The following CDH23 variants were observed in gnomAD, a reference collection of about 807,000 sequenced individuals.
CDH23 encodes cadherin related 23.
CDH23 carries 189 observed loss-of-function variants against 317.1 expected under a neutral mutation model. That is an observed-to-expected ratio of 0.60 (90% CI 0.53 to 0.67). The LOEUF is 0.67. Ranked by LOEUF, CDH23 falls within the 30% of genes least tolerant of loss-of-function variation. CDH23 has a pLI of 0.00. For synonymous variants in CDH23, 1,839 were observed against 1,876.8 expected (o/e 0.98, Z 0.52); for missense variants, 4,401 against 4,592.4 (o/e 0.96, Z 1.20).
chr10:71,439,434 G>A (rs1849767546), intron 1 of CDH23, among the ~76,000 whole-genome samples: 2 of 152,168 alleles, frequency 1.3e-5, no homozygotes, highest in South Asian at 2.1e-4. Context: ...AGGATAACCA[G>A]GCTCTGTCAC....
chr10:71,471,155 G>C (rs1851486421), intron 3 of CDH23, among the ~76,000 whole-genome samples: 1 of 140,050 alleles, frequency 7.1e-6, no homozygotes, highest in African/African-American at 2.4e-5. Context: ...TTTCAGCCAA[G>C]CTCATGCACT....
At chr10:71,768,760 A>G (rs527242203) in intron 38 of CDH23, among the ~76,000 whole-genome samples, 12 of 151,594 alleles carry the variant, frequency 7.9e-5, no homozygotes, top group Admixed American at 7.9e-4. Flanking sequence ...GATTACAGGC[A>G]TGAGCCACTG....
intron 11 of CDH23, among the ~76,000 whole-genome samples, chr10:71,640,749 G>C (rs1862506038): frequency 6.6e-6 from 1 of 151,916 alleles, no homozygotes; most frequent in South Asian, 2.1e-4. Context: ...GCAAGACTCT[G>C]TCTGAAAAAA....
At chr10:71,677,823 T>TG in intron 16 of CDH23, 130 bp downstream of exon 16, 1 of 743,354 alleles carries the variant, frequency 1.3e-6, no homozygotes, top group Non-Finnish European at 2.2e-6. Flanking sequence ...TGGAGTGCAG[T>TG]GGTACAATCA....
At chr10:71,604,343 A>G (rs1369470634) in intron 9 of CDH23, among the ~76,000 whole-genome samples, 1 of 152,228 alleles carries the variant, frequency 6.6e-6, no homozygotes, top group Non-Finnish European at 1.5e-5. Context: ...CGATGCCCTC[A>G]CAGGAGGAGG....
chr10:71,717,930 T>C (rs564239485), intron 28 of CDH23: 1 of 152,358 alleles, frequency 6.6e-6, no homozygotes, highest in African/African-American at 2.4e-5. Context: ...TTTCAAATAT[T>C]TGAAACACTA....
chr10:71,521,176 C>T (rs773939697), intron 6 of CDH23, among the ~76,000 whole-genome samples: 5 of 151,810 alleles, frequency 3.3e-5, no homozygotes, highest in African/African-American at 4.8e-5. Context: ...ACAATGTAAT[C>T]GTCCCCACTC....
intron 11 of CDH23, among the ~76,000 whole-genome samples, chr10:71,638,831 A>C (rs1044263595): frequency 2.6e-5 from 4 of 152,206 alleles, no homozygotes; most frequent in Non-Finnish European, 4.4e-5. Flanking sequence ...AGGAGGGAGC[A>C]GTGGCTCATC....
chr10:71,681,667 T>C (rs933852465), intron 17 of CDH23, among the ~76,000 whole-genome samples: 6 of 152,204 alleles, frequency 3.9e-5, no homozygotes, highest in Non-Finnish European at 8.8e-5. Flanking sequence ...CCAGGGGCAG[T>C]GGCTCACGCC....
Position 71,705,110 on chromosome 10 carries a change from C to A in CDH23, c.2933C>A (p.Thr978Asn). 6.2e-7 allele frequency: 1 copy of A among 1,610,658 alleles called. No individual in the cohort carries two copies. The highest frequency in any genetic ancestry group is 1.1e-5 in the South Asian group (1 of 90,956). ...GCAGGCACGCCCACCAAGAGCTCCACCAGCACGCTCACCATCCATGGTGAG... is the reference window on the plus strand; with the variant it reads ...GCAGGCACGCCCACCAAGAGCTCCAACAGCACGCTCACCATCCATGGTGAG... The part of the protein sequence containing the change: ...SDAGTPTKSS[T>N]STLTIHVLDV... The change falls in exon 25 of 70, where the codon ACC becomes AAC. Residue 978 changes from threonine (T) to asparagine (N), a missense_variant. Physicochemically the swap from Thr to Asn is moderately conservative, Grantham distance 65. Coordinates refer to ENST00000224721, the MANE Select transcript of CDH23 (RefSeq NM_022124.6).
intron 6 of CDH23, among the ~76,000 whole-genome samples, chr10:71,538,382 A>G (rs548014824): frequency 9.9e-5 from 15 of 152,164 alleles, no homozygotes; most frequent in African/African-American, 3.4e-4. Context: ...AGGATCAACT[A>G]TCAGAATTGG....
At chr10:71,782,039 C>A (rs1474085915) in intron 41 of CDH23, among the ~76,000 whole-genome samples, 1 of 152,158 alleles carries the variant, frequency 6.6e-6, no homozygotes, top group Non-Finnish European at 1.5e-5. Flanking sequence ...GTGCCTGGGA[C>A]CCCAGCTTAA....
intron 6 of CDH23, among the ~76,000 whole-genome samples, chr10:71,524,047 C>T (rs1287710499): frequency 6.6e-6 from 1 of 152,098 alleles, no homozygotes; most frequent in Admixed American, 6.5e-5. Context: ...CCTAATTCAT[C>T]CCTCCTCCCA....
intron 9 of CDH23, among the ~76,000 whole-genome samples, chr10:71,593,654 G>C (rs912338398): frequency 4.6e-5 from 7 of 152,198 alleles, no homozygotes; most frequent in South Asian, 2.1e-4. Flanking sequence ...GATATTCATA[G>C]AGTGGGAAAC....
chr10:71,526,979 TCAGAGAACCCAGCAGATGA>T (rs1855075781), intron 6 of CDH23, among the ~76,000 whole-genome samples: 1 of 152,142 alleles, frequency 6.6e-6, no homozygotes, highest in South Asian at 2.1e-4. Context: ...GCCGGGGTTC[TCAGAGAACCCAGCAGATGA>T]CAGACCATTG....
chr10:71,423,373 A>G (rs942766085), intron 1 of CDH23, among the ~76,000 whole-genome samples: 1 of 152,202 alleles, frequency 6.6e-6, no homozygotes, highest in Non-Finnish European at 1.5e-5. Context: ...GTGGCTTGGC[A>G]ACAATCAAAT....
rs577849058 is a variant in CDH23 at position 71,645,841 on chromosome 10, G to A, written c.1151G>A (p.Ser384Asn). Reference protein sequence around the residue: ...VDKDENLGLNSMFEVYLVGNN... With the variant: ...VDKDENLGLNNMFEVYLVGNN... ...GCACTCTTGACCCAGGGCCTGAACA[G>A]CATGTTTGAGGTGTACTTGGTGGGG... Residue 384 changes from serine to asparagine, a missense_variant, in exon 13 of 70, where the codon AGC becomes AAC. By Grantham distance (46) the Ser-to-Asn change is conservative. Transcript: ENST00000224721. 6 of 1,610,744 alleles carry A rather than the reference G, an allele frequency of 3.7e-6. 1 individual carries two copies. Among genetic ancestry groups the A allele is most frequent in the South Asian group, 2.2e-5 (2 of 90,902 alleles).
intron 41 of CDH23, among the ~76,000 whole-genome samples, chr10:71,781,673 G>T (rs145828701): frequency 1.3e-5 from 2 of 152,342 alleles, no homozygotes; most frequent in East Asian, 1.9e-4. Flanking sequence ...GGGGCCTTGT[G>T]GGGGAGTCCC....
rs1048757023 is a variant in CDH23 at position 71,427,398 on chromosome 10, C to T, written c.-5-12429C>T. Among the ~76,000 whole-genome samples the T allele has an allele frequency of 5.3e-5, 8 of 152,108 alleles. No homozygotes were observed. The South Asian group carries it at 8.3e-4, about 16-fold the overall frequency. ...CTTCTGGACATTTCACATAAACAAACTCATAATATGTGGTCCTTGGTGACT... is the reference window on the plus strand; with the variant it reads ...CTTCTGGACATTTCACATAAACAAATTCATAATATGTGGTCCTTGGTGACT... On this transcript the variant is annotated intron_variant, in intron 1 of 69. Transcript: ENST00000224721.
Sources: allele counts gnomAD v4.1 joint callset (sites outside exome capture counted in the v4.1 genomes callset), GRCh38; gene constraint gnomAD v4.1.1; transcripts MANE v1.5; gene names NCBI Gene and HGNC (gene_info 2026-07-23, HGNC 2026-07-21).